Variants in HPN observed in about 807,000 individuals in gnomAD.
HPN encodes the protein serine protease hepsin.
A neutral mutation model predicts 55.9 loss-of-function variants in HPN; 13 were observed. The observed-to-expected ratio is 0.23, with a 90% confidence interval of 0.15 to 0.37. The LOEUF (loss-of-function observed/expected upper bound fraction) is 0.37, where lower values mean the gene tolerates loss of function less well. HPN is among the 10% of genes least tolerant of loss of function. The pLI, the probability that HPN is intolerant of heterozygous loss-of-function variation, is 1.00. For missense variants in HPN, 451 were observed against 575.8 expected, an observed-to-expected ratio of 0.78 and a Z score of 2.22; for synonymous variants, 225 against 240.3, an observed-to-expected ratio of 0.94 and a Z score of 0.59.
chr19:35,042,337 T>C (rs752872907), intron 1 of HPN, 116 bp from the exon 2 acceptor site: 17 of 1,424,578 alleles, frequency 1.2e-5, no homozygotes, highest in Non-Finnish European at 1.5e-5. Context: ...CACGGCGTGC[T>C]CTGGCCAAGG....
intron 4 of HPN, among the ~76,000 whole-genome samples, chr19:35,052,757 GA>G (rs963287549): frequency 5.9e-5 from 9 of 152,156 alleles, no homozygotes; most frequent in Non-Finnish European, 1.0e-4. Flanking sequence ...CGAACTCCAG[GA>G]AGGCAGGGAC....
In HPN at chr19:35,066,531, G is replaced by C. The variant is rs541476619; in HGVS notation, c.*244G>C. Reference sequence around the variant, plus strand: ...CTGGGACTCCTGTCTAGGTGCCCCTGATGACGGGATGCTCTTTAAATAATA... The same window carrying C: ...CTGGGACTCCTGTCTAGGTGCCCCTCATGACGGGATGCTCTTTAAATAATA... On this transcript the variant is annotated 3_prime_UTR_variant, in exon 13 of 13. Coordinates refer to ENST00000672452, the MANE Select transcript of HPN (RefSeq NM_001384133.1). The C allele has an allele frequency of 1.6e-5, 9 of 560,332 alleles. No individual in the cohort carries two copies. Among genetic ancestry groups the C allele is most frequent in the Non-Finnish European group, 2.5e-5 (8 of 316,916 alleles). 34.7% of individuals were successfully genotyped at this position (560,332 alleles called of 1,614,324 possible). A position where few individuals can be genotyped will look rare whatever the true frequency, so the allele number is the denominator to read the frequency against.
chr19:35,051,684 TAA>T (rs35713084), intron 4 of HPN, among the ~76,000 whole-genome samples: 181 of 144,312 alleles, frequency 1.3e-3, no homozygotes, highest in Non-Finnish European at 1.3e-3. Flanking sequence ...GATTGCTTGT[TAA>T]AAAAAAAAAA....
chr19:35,045,691 T>C (rs1047603078), intron 2 of HPN, among the ~76,000 whole-genome samples: 1 of 151,278 alleles, frequency 6.6e-6, no homozygotes, highest in African/African-American at 2.4e-5. Context: ...TGAGGATGCG[T>C]CCCACACCCT....
chr19:35,049,425 G>A (rs2064379962), intron 3 of HPN, 34 bp downstream of exon 3: 1 of 1,612,316 alleles, frequency 6.2e-7, no homozygotes, highest in Non-Finnish European at 8.5e-7. Flanking sequence ...GACCTCCCCT[G>A]GCCCCTGCAG....
chr19:35,066,435 G>A lies in HPN; in HGVS notation c.*148G>A. 9.0e-7 allele frequency: 1 copy of A among 1,109,294 alleles called. No homozygotes were observed. Among genetic ancestry groups the A allele is most frequent in the South Asian group, 1.5e-5 (1 of 66,084 alleles). 68.7% of individuals were successfully genotyped at this position (1,109,294 alleles called of 1,614,324 possible). ...CCTCCAGGGTCCTCTCTTCCACAGT[G>A]GCGGGCCCACTCAGCCCCGAGACCA... On this transcript the variant is annotated 3_prime_UTR_variant, in exon 13 of 13. Transcript: ENST00000672452.
intron 2 of HPN, 150 bp from the exon 3 acceptor site, chr19:35,049,140 C>A: frequency 2.1e-6 from 1 of 487,584 alleles, no homozygotes; most frequent in Admixed American, 3.7e-5. Flanking sequence ...ACAGCCCTGT[C>A]AACTGCTGGC....
intron 8 of HPN, 40 bp from the exon 9 acceptor site, chr19:35,060,587 G>C: frequency 6.2e-7 from 1 of 1,612,188 alleles, no homozygotes; most frequent in Non-Finnish European, 8.5e-7. Context: ...GGCGGATTGT[G>C]CCCAGGCAGG....
At chr19:35,062,618 TAAAA>T (rs1276807285) in intron 9 of HPN, among the ~76,000 whole-genome samples, 2 of 151,906 alleles carry the variant, frequency 1.3e-5, no homozygotes, top group Admixed American at 6.6e-5. Context: ...ATAATAATAA[TAAAA>T]ATAGGCTGGG....
At position 35,042,317 on chromosome 19, in the gene HPN, C is replaced by T. The variant is rs374581348; in HGVS notation, c.-54-136C>T. 5,994 of 1,405,216 alleles carry T rather than the reference C, an allele frequency of 4.3e-3. 295 individuals carry two copies. The South Asian group carries it at 0.083, about 19-fold the overall frequency. The allele number at this position is 1,405,216 out of a possible 1,614,324, so 87.0% of individuals were successfully genotyped here. Reference sequence around the variant, plus strand: ...CCATCCTTGAACCCAGCCCAATCTGCGTCCGTGATCACGGCGTGCTCTGGC... The same window carrying T: ...CCATCCTTGAACCCAGCCCAATCTGTGTCCGTGATCACGGCGTGCTCTGGC... On this transcript the variant is annotated intron_variant, in intron 1 of 12. Transcript: ENST00000672452.
chr19:35,060,189 A>C lies in HPN; in HGVS notation c.454+20A>C. 1 of 1,613,886 alleles carries C rather than the reference A, an allele frequency of 6.2e-7. No homozygotes were observed. The highest frequency in any genetic ancestry group is 8.5e-7 in the Non-Finnish European group (1 of 1,180,004). On this transcript the variant is annotated intron_variant, in intron 7 of 12. Transcript: ENST00000672452. The stretch of plus-strand genomic sequence containing the variant: ...GCCAAGGTGAGATCCTAAAACTCAG[A>C]ACCCTCTCCTTTAGGCCCTTGGGGA...
chr19:35,060,318 G>T (rs1332290813), intron 7 of HPN, 29 bp from the exon 8 acceptor site: 1 of 1,605,970 alleles, frequency 6.2e-7, no homozygotes. Flanking sequence ...GTCCCCTGTC[G>T]CCGCCCCCTG....
At chr19:35,041,038 G>A (rs72550256), upstream of HPN, among the ~76,000 whole-genome samples, 22,092 of 152,272 alleles carry the variant, frequency 0.15, 1,743 homozygotes, top group Middle Eastern at 0.28. Flanking sequence ...GACGTGGGCC[G>A]CGCCTGGCTG....
At position 35,060,167 on chromosome 19, in the gene HPN, A is replaced by G; in HGVS notation, c.452A>G (p.Gln151Arg). ...GGCCGTTTCTTGGCCGCCATCTGCC[A>G]AGGTGAGATCCTAAAACTCAGAACC... Reference protein sequence around the residue: ...PRGRFLAAICQDCGRRKLPVD... With the variant: ...PRGRFLAAICRDCGRRKLPVD... Residue 151 changes from glutamine to arginine, a missense_variant and splice_region_variant, in exon 7 of 13, where the codon CAA becomes CGA. Gln to Arg is a conservative substitution (Grantham distance 43). This residue lies in a region of HPN where 378 missense variants were observed against 445.5 expected (regional missense o/e 0.85). Transcript: ENST00000672452. The G allele has an allele frequency of 6.2e-7, 1 of 1,614,098 alleles. No individual in the cohort carries two copies. The highest frequency in any genetic ancestry group is 2.2e-5 in the East Asian group (1 of 44,876).
At chr19:35,047,779 C>G (rs538460707) in intron 2 of HPN, among the ~76,000 whole-genome samples, 1 of 152,032 alleles carries the variant, frequency 6.6e-6, no homozygotes, top group African/African-American at 2.4e-5. Context: ...AAGCAGATAA[C>G]TTGAGTCTGG....
intron 4 of HPN, among the ~76,000 whole-genome samples, chr19:35,056,658 G>T (rs2064458416): frequency 6.6e-6 from 1 of 152,138 alleles, no homozygotes; most frequent in South Asian, 2.1e-4. Flanking sequence ...GTTTGGCTGG[G>T]TGACATTTTA....
Position 35,041,750 on chromosome 19 carries a change from C to T in HPN, c.-177C>T. 1.2e-5 allele frequency: 15 copies of T among 1,276,194 alleles called. No homozygotes were observed. The highest frequency in any genetic ancestry group is 1.3e-4 in the East Asian group (2 of 15,220). The allele number at this position is 1,276,194 out of a possible 1,614,324, so 79.1% of individuals were successfully genotyped here. ...AGGCAGCCTGGCCTAGCAGGCCCCA[C>T]GCCACCGCCTCTGCCTCCAGGCCGC... On this transcript the variant is annotated 5_prime_UTR_variant, in exon 1 of 13. The change creates a new upstream start codon in the 5' untranslated region. Transcript: ENST00000672452.
At chr19:35,042,608 G>C in intron 2 of HPN, 86 bp downstream of exon 2, 3 of 1,170,344 alleles carry the variant, frequency 2.6e-6, no homozygotes, top group South Asian at 2.7e-5. Flanking sequence ...ACTCTTCGGA[G>C]CCCCCTCTCT....
chr19:35,059,520 A>G, intron 4 of HPN, 153 bp from the exon 5 acceptor site: 1 of 944,302 alleles, frequency 1.1e-6, no homozygotes, highest in Non-Finnish European at 1.6e-6. Context: ...TCCAGATGCA[A>G]TCGCAGATGT....
Sources: allele counts gnomAD v4.1 joint callset (sites outside exome capture counted in the v4.1 genomes callset), GRCh38; gene constraint gnomAD v4.1.1; regional missense constraint gnomAD v4.1.1; transcripts MANE v1.5; gene names NCBI Gene and HGNC (gene_info 2026-07-23, HGNC 2026-07-21).